LAMP3: variants seen among roughly 807,000 people sequenced by gnomAD.
LAMP3 encodes the protein lysosome-associated membrane glycoprotein 3.
In LAMP3, 26 loss-of-function variants were observed where a neutral mutation model predicts 34.8. That is an observed-to-expected ratio of 0.75 (90% CI 0.55 to 1.04). The LOEUF (loss-of-function observed/expected upper bound fraction) is 1.04, where lower values mean the gene tolerates loss of function less well. Ranked by LOEUF, LAMP3 falls within the 50% of genes least tolerant of loss-of-function variation. LAMP3 has a pLI of 0.00. For synonymous variants in LAMP3, 180 were observed against 201.9 expected (o/e 0.89, Z 0.92); for missense variants, 495 against 524.0 (o/e 0.94, Z 0.54).
rs1719704012 is a variant in LAMP3 at position 183,122,940 on chromosome 3, T to A, written c.*1141A>T. On this transcript the variant is annotated 3_prime_UTR_variant, in exon 6 of 6. Transcript: ENST00000265598. ...CCAACATGAATTCAAGCTCTGGCTC[T>A]GCCATCAGTTAGCCAGGTGACATTT... 1 of 152,206 alleles carries A rather than the reference T, an allele frequency of 6.6e-6. No individual in the cohort carries two copies. Among genetic ancestry groups the A allele is most frequent in the African/African-American group, 2.4e-5 (1 of 41,452 alleles). The allele number at this position is 152,206 out of a possible 1,614,324, so 9.4% of individuals were successfully genotyped here. A position where few individuals can be genotyped will look rare whatever the true frequency, so the allele number is the denominator to read the frequency against.
chr3:183,137,430 G>C (rs1720131268), intron 4 of LAMP3, among the ~76,000 whole-genome samples: 1 of 152,162 alleles, frequency 6.6e-6, no homozygotes, highest in African/African-American at 2.4e-5. Context: ...GTAGCTTCTT[G>C]AATGGTAGAA....
chr3:183,135,470 A>C (rs113329048), intron 5 of LAMP3, among the ~76,000 whole-genome samples: 72 of 152,268 alleles, frequency 4.7e-4, no homozygotes, highest in African/African-American at 1.5e-3. Flanking sequence ...TGAGTGTTTA[A>C]ATGAGTAAGA....
In LAMP3 at chr3:183,151,277, C is replaced by G. The variant is rs1284330682; in HGVS notation, c.888+1098G>C. On this transcript the variant is annotated intron_variant, in intron 3 of 5. Transcript: ENST00000265598. ...GCTCTTACTGGGGCTATTTGAAGGA[C>G]ACTCTGAGGCAAGCGGGGGCAAGTC... Among the ~76,000 whole-genome samples, 2 of 152,314 alleles carry G rather than the reference C, an allele frequency of 1.3e-5. 1 individual carries two copies. The highest frequency in any genetic ancestry group is 4.1e-4 in the South Asian group (2 of 4,828).
intron 1 of LAMP3, among the ~76,000 whole-genome samples, chr3:183,155,816 C>T (rs151189624): frequency 3.6e-4 from 55 of 152,082 alleles, no homozygotes; most frequent in African/African-American, 1.1e-3. Context: ...ATGGGTCGAA[C>T]GAAAAAATGA....
Position 183,153,786 on chromosome 3 carries a change from G to T in LAMP3, c.655C>A (p.Gln219Lys), listed in dbSNP as rs773351046. Reference protein sequence around the residue: ...STVPGPTLAPQPSSVKTGIYQ... With the variant: ...STVPGPTLAPKPSSVKTGIYQ... Reference sequence around the variant, plus strand: ...ATTCCAGTCTTGACTGACGATGGCTGAGGTGCAAGGGTGGGCCCAGGAACC... The same window carrying T: ...ATTCCAGTCTTGACTGACGATGGCTTAGGTGCAAGGGTGGGCCCAGGAACC... Residue 219 changes from glutamine to lysine, a missense_variant, in exon 2 of 6, where the codon CAG becomes AAG. By Grantham distance (53) the Gln-to-Lys change is moderately conservative (BLOSUM62 1). Coordinates refer to ENST00000265598, the MANE Select transcript of LAMP3 (RefSeq NM_014398.4). 5.7e-6 allele frequency: 9 copies of T among 1,580,322 alleles called. No individual in the cohort carries two copies. The South Asian group carries it at 1.1e-4, about 19-fold the overall frequency.
rs1401848032 is a variant in LAMP3 at position 183,124,211 on chromosome 3, T to A, written c.1121A>T (p.Asp374Val). 1.3e-6 allele frequency: 2 copies of A among 1,580,464 alleles called. No homozygotes were observed. The highest frequency in any genetic ancestry group is 1.7e-6 in the Non-Finnish European group (2 of 1,167,164). The change falls in exon 6 of 6, where the codon GAT becomes GTT. Residue 374 changes from aspartate to valine, a missense_variant. Coordinates refer to ENST00000265598, the MANE Select transcript of LAMP3 (RefSeq NM_014398.4). ...AATTGTGTAGTCAGACGAGCACTCA[T>A]CCACTAAGAGAGAAAACAAATACAA... is the stretch of plus-strand genomic sequence containing the variant. ...DFEDDHFGNV[D>V]ECSSDYTIVL...
In LAMP3 at chr3:183,126,466, C is replaced by A. The variant is rs189032794; in HGVS notation, c.1118-2252G>T. 2.0e-5 allele frequency among the ~76,000 whole-genome samples: 3 copies of A among 152,080 alleles called. No individual in the cohort carries two copies. The East Asian group carries it at 5.8e-4, about 29-fold the overall frequency. On this transcript the variant is annotated intron_variant, in intron 5 of 5. Transcript: ENST00000265598. ...ACACAAAGAAAAGAAGTGACTGATC[C>A]AATCACCCCATTTCTTCTATTTGAA...
At position 183,161,826 on chromosome 3, in the gene LAMP3, C is replaced by G. The variant is rs573536206; in HGVS notation, c.49+781G>C. 8 of 310,950 alleles carry G rather than the reference C, an allele frequency of 2.6e-5. No individual in the cohort carries two copies. In the South Asian group the frequency reaches 1.0e-3, roughly 39 times the overall value. 19.3% of individuals were successfully genotyped at this position (310,950 alleles called of 1,614,324 possible). A position where few individuals can be genotyped will look rare whatever the true frequency, so the allele number is the denominator to read the frequency against. ...CTGTGGAGCGTGATGATGACTTCCT[C>G]TTCTGTCCCCTAAAAGAACCTGAAA... On this transcript the variant is annotated intron_variant, in intron 1 of 5. Transcript: ENST00000265598.
intron 3 of LAMP3, among the ~76,000 whole-genome samples, chr3:183,148,234 G>A (rs1007395686): frequency 3.3e-5 from 5 of 152,130 alleles, no homozygotes; most frequent in African/African-American, 1.2e-4. Context: ...AAATCACTGG[G>A]AAACTCTCCA....
At chr3:183,143,187 C>T (rs1315273623) in intron 3 of LAMP3, among the ~76,000 whole-genome samples, 1 of 152,174 alleles carries the variant, frequency 6.6e-6, no homozygotes, top group Non-Finnish European at 1.5e-5. Context: ...TGGCTCACTG[C>T]AGCCTCAACC....
At chr3:183,163,237 T>G (rs1348056305), upstream of LAMP3, among the ~76,000 whole-genome samples, 2 of 150,916 alleles carry the variant, frequency 1.3e-5, no homozygotes, top group Non-Finnish European at 1.5e-5. Flanking sequence ...ATTATAGACG[T>G]GAGCCACCGA....
At chr3:183,131,495 C>T (rs370398074) in intron 5 of LAMP3, among the ~76,000 whole-genome samples, 154 of 152,242 alleles carry the variant, frequency 1.0e-3, no homozygotes, top group African/African-American at 3.4e-3. Flanking sequence ...GGGGAACTCC[C>T]GGGTCCTCAT....
intron 1 of LAMP3, among the ~76,000 whole-genome samples, chr3:183,155,053 TA>T (rs1485755305): frequency 6.6e-6 from 1 of 152,174 alleles, no homozygotes; most frequent in African/African-American, 2.4e-5. Context: ...TAGCTGGGAT[TA>T]AAGGCACCTG....
chr3:183,132,839 C>T (rs1719967817), intron 5 of LAMP3: 1 of 985,332 alleles, frequency 1.0e-6, no homozygotes, highest in Non-Finnish European at 1.2e-6. Flanking sequence ...ATATCCTCTA[C>T]TGGGCCTCTT....
At position 183,154,174 on chromosome 3, in the gene LAMP3, C is replaced by G. The variant is rs653316; in HGVS notation, c.267G>C (p.Ala89=). The change falls in exon 2 of 6, where the codon GCG becomes GCC. Residue 89 remains alanine (A), a synonymous_variant. Coordinates refer to ENST00000265598, the MANE Select transcript of LAMP3 (RefSeq NM_014398.4). ...ATVKIPTTTP[A]TTKNTATTSP... Reference sequence around the variant, plus strand: ...TGGTGGTTGCAGTGTTTTTTGTAGTCGCTGGGGTAGTTGTTGGAATTTTTA... The same window carrying G: ...TGGTGGTTGCAGTGTTTTTTGTAGTGGCTGGGGTAGTTGTTGGAATTTTTA... 12 of 1,613,844 alleles carry G rather than the reference C, an allele frequency of 7.4e-6. No homozygotes were observed. Among genetic ancestry groups the G allele is most frequent in the Non-Finnish European group, 1.0e-5 (12 of 1,179,984 alleles).
rs540598460 is a variant in LAMP3 at position 183,154,175 on chromosome 3, G to A, written c.266C>T (p.Ala89Val). ...GGTGGTTGCAGTGTTTTTTGTAGTCGCTGGGGTAGTTGTTGGAATTTTTAC... is the reference window on the plus strand; with the variant it reads ...GGTGGTTGCAGTGTTTTTTGTAGTCACTGGGGTAGTTGTTGGAATTTTTAC... Reference protein sequence around the residue: ...ATVKIPTTTPATTKNTATTSP... With the variant: ...ATVKIPTTTPVTTKNTATTSP... The change falls in exon 2 of 6, where the codon GCG becomes GTG. Residue 89 changes from alanine to valine, a missense_variant. By Grantham distance (64) the Ala-to-Val change is moderately conservative (BLOSUM62 0). Coordinates refer to ENST00000265598, the MANE Select transcript of LAMP3 (RefSeq NM_014398.4). The A allele has an allele frequency of 1.2e-6, 2 of 1,613,888 alleles. No homozygotes were observed. Among genetic ancestry groups the A allele is most frequent in the Admixed American group, 1.7e-5 (1 of 59,998 alleles).
chr3:183,162,731 C>T lies in LAMP3; in HGVS notation c.-76G>A. The T allele has an allele frequency of 7.4e-7, 1 of 1,352,596 alleles. No homozygotes were observed. 83.8% of individuals were successfully genotyped at this position (1,352,596 alleles called of 1,614,324 possible). A position where few individuals can be genotyped will look rare whatever the true frequency, so the allele number is the denominator to read the frequency against. On this transcript the variant is annotated 5_prime_UTR_variant, in exon 1 of 6. Transcript: ENST00000265598. ...CCGAATCGGTGCCAGAGAAACCTACCTGTGCCGGAGAAACGAAACCACCTG... is the reference window on the plus strand; with the variant it reads ...CCGAATCGGTGCCAGAGAAACCTACTTGTGCCGGAGAAACGAAACCACCTG...
At chr3:183,152,239 C>T (rs1720658338) in intron 3 of LAMP3, 136 bp downstream of exon 3, 3 of 946,656 alleles carry the variant, frequency 3.2e-6, no homozygotes, top group Non-Finnish European at 1.5e-6. Context: ...ACACTTCCTC[C>T]TCTCCATCCC....
At chr3:183,146,854 A>C (rs959600937) in intron 3 of LAMP3, among the ~76,000 whole-genome samples, 13 of 151,846 alleles carry the variant, frequency 8.6e-5, no homozygotes, top group African/African-American at 3.1e-4. Context: ...TGTGTTGCCA[A>C]CATTAAAAAA....
Sources: allele counts gnomAD v4.1 joint callset (sites outside exome capture counted in the v4.1 genomes callset), GRCh38; gene constraint gnomAD v4.1.1; transcripts MANE v1.5; gene names NCBI Gene and HGNC (gene_info 2026-07-23, HGNC 2026-07-21).